Variants in WDR70 observed in about 807,000 individuals in gnomAD.
The protein encoded by WDR70 is WD repeat-containing protein 70.
A neutral mutation model predicts 88.6 loss-of-function variants in WDR70; 53 were observed. The observed-to-expected ratio is 0.60, with a 90% CI of 0.48 to 0.75. WDR70 has a LOEUF of 0.75. Among genes scored for constraint, WDR70 ranks in the 30% least tolerant of loss-of-function variants. The pLI is 0.00. For synonymous variants in WDR70, 280 were observed against 270.0 expected (o/e 1.04, Z -0.36); for missense variants, 610 against 823.2 (o/e 0.74, Z 3.17).
chr5:37,592,912 T>C (rs975680470), intron 9 of WDR70, among the ~76,000 whole-genome samples: 4 of 152,218 alleles, frequency 2.6e-5, no homozygotes, highest in African/African-American at 7.2e-5. Flanking sequence ...TCCAGTGCTT[T>C]GGCAGACCAA....
chr5:37,560,809 A>ATTTT (rs397885116), intron 9 of WDR70, among the ~76,000 whole-genome samples: 39 of 130,962 alleles, frequency 3.0e-4, no homozygotes, highest in South Asian at 7.8e-4. Context: ...GCAGAAGCAG[A>ATTTT]TTTTTTTTTT....
intron 7 of WDR70, among the ~76,000 whole-genome samples, chr5:37,462,912 C>T (rs1455425787): frequency 1.3e-5 from 2 of 152,100 alleles, no homozygotes; most frequent in African/African-American, 4.8e-5. Flanking sequence ...AGTACGTCAA[C>T]TCTGTGGGTT....
chr5:37,479,069 A>C (rs1020950018), intron 7 of WDR70, among the ~76,000 whole-genome samples: 7 of 152,204 alleles, frequency 4.6e-5, no homozygotes, highest in Non-Finnish European at 8.8e-5. Flanking sequence ...ACTGGGAGAG[A>C]TGAGATCCAG....
chr5:37,381,525 T>C, intron 2 of WDR70, 77 bp from the exon 3 acceptor site: 1 of 1,084,956 alleles, frequency 9.2e-7, no homozygotes, highest in South Asian at 1.2e-5. Context: ...TAAGTGTTTA[T>C]TGATCAGTAT....
chr5:37,526,743 C>G (rs570166139), intron 9 of WDR70, among the ~76,000 whole-genome samples: 3 of 152,318 alleles, frequency 2.0e-5, no homozygotes, highest in African/African-American at 7.2e-5. Context: ...CCCATCGTCT[C>G]AGCCCCAAAT....
intron 8 of WDR70, among the ~76,000 whole-genome samples, chr5:37,515,528 A>G (rs919801849): frequency 6.6e-6 from 1 of 152,166 alleles, no homozygotes; most frequent in Admixed American, 6.5e-5. Flanking sequence ...ACCTCCCCTC[A>G]TTTGTATTCC....
chr5:37,745,757 A>G (rs1279005481), intron 17 of WDR70, among the ~76,000 whole-genome samples: 1 of 152,218 alleles, frequency 6.6e-6, no homozygotes, highest in Non-Finnish European at 1.5e-5. Flanking sequence ...TATCCAATAC[A>G]GGAGCACCCA....
intron 9 of WDR70, among the ~76,000 whole-genome samples, chr5:37,527,227 A>G (rs999074403): frequency 1.3e-5 from 2 of 152,228 alleles, no homozygotes; most frequent in Non-Finnish European, 2.9e-5. Context: ...ACCTGACTTC[A>G]AACTATACTA....
intron 12 of WDR70, among the ~76,000 whole-genome samples, chr5:37,702,187 A>G (rs1416512380): frequency 2.0e-5 from 3 of 152,260 alleles, no homozygotes; most frequent in Non-Finnish European, 2.9e-5. Context: ...TCTGCTGCCC[A>G]TGGCATTTTA....
intron 14 of WDR70, chr5:37,722,610 T>C: frequency 2.0e-6 from 1 of 493,548 alleles, no homozygotes; most frequent in East Asian, 3.4e-5. Context: ...ACTTGTGTCC[T>C]GTTGCCCTGT....
At chr5:37,519,398 A>G (rs940576482) in intron 9 of WDR70, among the ~76,000 whole-genome samples, 3 of 143,840 alleles carry the variant, frequency 2.1e-5, no homozygotes, top group African/African-American at 8.0e-5. Context: ...AGCCGGGCGG[A>G]GGCGCTCCTC....
chr5:37,623,095 A>G (rs540946393), intron 10 of WDR70, among the ~76,000 whole-genome samples: 23 of 152,208 alleles, frequency 1.5e-4, no homozygotes, highest in Non-Finnish European at 3.2e-4. Flanking sequence ...TTAAAGACCA[A>G]TCAATGCTAA....
At chr5:37,654,170 CTTAT>C (rs1019255527) in intron 10 of WDR70, among the ~76,000 whole-genome samples, 5 of 152,154 alleles carry the variant, frequency 3.3e-5, no homozygotes, top group Non-Finnish European at 7.4e-5. Context: ...TTTCAAAGAA[CTTAT>C]TTATTTCTGC....
At chr5:37,533,957 A>G (rs997268671) in intron 9 of WDR70, among the ~76,000 whole-genome samples, 4 of 152,154 alleles carry the variant, frequency 2.6e-5, no homozygotes, top group African/African-American at 9.7e-5. Context: ...GAAAGCAAGC[A>G]GACTTACAGT....
At chr5:37,475,777 A>G (rs571073534) in intron 7 of WDR70, among the ~76,000 whole-genome samples, 30 of 149,976 alleles carry the variant, frequency 2.0e-4, no homozygotes, top group Non-Finnish European at 3.8e-4. Flanking sequence ...CATCCATCTT[A>G]TTCACTGTTT....
At chr5:37,620,282 C>T (rs1314508491) in intron 10 of WDR70, among the ~76,000 whole-genome samples, 4 of 123,142 alleles carry the variant, frequency 3.2e-5, no homozygotes, top group African/African-American at 1.2e-4. Context: ...TTGTTTTTTG[C>T]CGCTTTGTTG....
At chr5:37,487,619 A>ATTTTTTTTTT (rs1739918883) in intron 8 of WDR70, among the ~76,000 whole-genome samples, 1 of 93,546 alleles carries the variant, frequency 1.1e-5, no homozygotes, top group African/African-American at 4.3e-5. Flanking sequence ...ATATATATAT[A>ATTTTTTTTTT]TATATGTATT....
At position 37,599,818 on chromosome 5, in the gene WDR70, G is replaced by A. The variant is rs565917642; in HGVS notation, c.918-5246G>A. On this transcript the variant is annotated intron_variant, in intron 9 of 17. Transcript: ENST00000265107. Reference sequence around the variant, plus strand: ...TGACACAGGAGAATTGCTTGAACCCGGGAGGCAGAGTTTGCAGTGAGCCGA... The same window carrying A: ...TGACACAGGAGAATTGCTTGAACCCAGGAGGCAGAGTTTGCAGTGAGCCGA... Among the ~76,000 whole-genome samples, 7 of 152,000 alleles carry A rather than the reference G, an allele frequency of 4.6e-5. No individual in the cohort carries two copies. In the South Asian group the frequency reaches 8.3e-4, roughly 18 times the overall value.
In WDR70 at chr5:37,584,274, C is replaced by T. The variant is rs538332577; in HGVS notation, c.918-20790C>T. ...AGGAATCTTATTCAGATTCTTAGTC[C>T]GGTATTCTGAATTCATTATCAAACA... On this transcript the variant is annotated intron_variant, in intron 9 of 17. Transcript: ENST00000265107. 5.9e-5 allele frequency among the ~76,000 whole-genome samples: 9 copies of T among 152,230 alleles called. No homozygotes were observed. In the South Asian group the frequency reaches 1.5e-3, roughly 25 times the overall value.
Sources: gnomAD v4.1 joint callset for allele counts (sites outside exome capture counted in the v4.1 genomes callset) on GRCh38, gnomAD v4.1.1 for gene constraint, MANE v1.5 for transcripts, NCBI Gene and HGNC (gene_info 2026-07-23, HGNC 2026-07-21) for gene names.